Variants in MCRS1 observed in about 807,000 individuals in gnomAD.
The protein encoded by MCRS1 is microspherule protein 1, also known as 58 kDa microspherule protein.
MCRS1 carries 22 observed loss-of-function variants against 62.9 expected under a neutral mutation model. The observed-to-expected ratio is 0.35, with a 90% CI of 0.25 to 0.50. The LOEUF (loss-of-function observed/expected upper bound fraction) is 0.50, where lower values mean the gene tolerates loss of function less well. MCRS1 is among the 20% of genes least tolerant of loss of function. MCRS1 has a pLI of 0.98. For synonymous variants in MCRS1, 244 were observed against 233.5 expected (o/e 1.04, Z -0.41); for missense variants, 456 against 601.1 (o/e 0.76, Z 2.52).
At chr12:49,560,066 G>T in intron 9 of MCRS1, 99 bp from the exon 10 acceptor site, 1 of 1,508,488 alleles carries the variant, frequency 6.6e-7, no homozygotes, top group Non-Finnish European at 9.2e-7. Context: ...CAAGTGGCCT[G>T]GAAGGTGGTA....
chr12:49,558,436 G>A lies in MCRS1; in HGVS notation c.*207C>T, dbSNP rs182485162. 5.5e-4 allele frequency: 302 copies of A among 549,616 alleles called. 3 individuals are homozygous for A. The East Asian group carries it at 9.0e-3, about 16-fold the overall frequency. 34.0% of individuals were successfully genotyped at this position (549,616 alleles called of 1,614,324 possible). On this transcript the variant is annotated 3_prime_UTR_variant, in exon 15 of 15. Coordinates refer to ENST00000343810, the MANE Select transcript of MCRS1 (RefSeq NM_006337.5). The stretch of plus-strand genomic sequence containing the variant: ...TTTAGAGAGAGGAAGATGGGGAGGG[G>A]CTCTGGATCTAGGGAAGCCTGAGGT...
intron 4 of MCRS1, chr12:49,565,155 T>C (rs1398335638): frequency 2.0e-6 from 2 of 985,192 alleles, no homozygotes; most frequent in East Asian, 1.1e-4. Context: ...AGAGTGAAAG[T>C]TGGGTGGGGA....
intron 6 of MCRS1, 61 bp from the exon 7 acceptor site, chr12:49,563,607 C>T (rs1248309536): frequency 1.6e-6 from 2 of 1,273,184 alleles, no homozygotes; most frequent in African/African-American, 2.9e-5. Flanking sequence ...ATCTGGGGTT[C>T]CTACTATTTC....
intron 4 of MCRS1, 125 bp downstream of exon 4, chr12:49,565,404 G>A (rs1939004186): frequency 6.6e-7 from 1 of 1,504,068 alleles, no homozygotes; most frequent in South Asian, 1.4e-5. Context: ...CATCTGAGAT[G>A]AGGGCTGGGG....
chr12:49,567,360 T>C (rs574648407), intron 1 of MCRS1, among the ~76,000 whole-genome samples: 1 of 151,946 alleles, frequency 6.6e-6, no homozygotes, highest in East Asian at 1.9e-4. Context: ...TGAGATACCA[T>C]CTCGTGGAAA....
chr12:49,566,168 T>C lies in MCRS1; in HGVS notation c.58A>G (p.Ser20Gly). The C allele has an allele frequency of 1.9e-6, 3 of 1,614,178 alleles. No homozygotes were observed. The highest frequency in any genetic ancestry group is 2.5e-6 in the Non-Finnish European group (3 of 1,180,012). ...AGTGACTCCTCATCCTCTGAGCGGC[T>C]GGCAGTGCCTGATGCCATCAGGGAT... ...DSSLMASGTA[S>G]RSEDEESLAG... is the part of the protein sequence containing the mutation. Residue 20 changes from serine (S) to glycine (G), a missense_variant, in exon 3 of 15, where the codon AGC becomes GGC. By Grantham distance (56) the Ser-to-Gly change is moderately conservative (BLOSUM62 0). Coordinates refer to ENST00000343810, the MANE Select transcript of MCRS1 (RefSeq NM_006337.5).
At chr12:49,561,109 C>T (rs1369253951) in intron 8 of MCRS1, among the ~76,000 whole-genome samples, 1 of 152,140 alleles carries the variant, frequency 6.6e-6, no homozygotes, top group Non-Finnish European at 1.5e-5. Context: ...GCCCACAGAC[C>T]TAGCTACTCG....
chr12:49,564,484 G>C lies in MCRS1; in HGVS notation c.554C>G (p.Ser185Cys). 6 of 1,611,672 alleles carry C rather than the reference G, an allele frequency of 3.7e-6. No homozygotes were observed. Among genetic ancestry groups the C allele is most frequent in the Non-Finnish European group, 4.2e-6 (5 of 1,178,472 alleles). ...WYALLYDPVI[S>C]KLACQAMRQL... ...GCTGGAACCAGCTCCCACTCACTTGGAGATGACAGGATCGTAGAGCAGGGC... is the reference window on the plus strand; with the variant it reads ...GCTGGAACCAGCTCCCACTCACTTGCAGATGACAGGATCGTAGAGCAGGGC... The change falls in exon 6 of 15, where the codon TCC becomes TGC. Residue 185 changes from serine (S) to cysteine (C), a missense_variant. By Grantham distance (112) the Ser-to-Cys change is moderately radical. Coordinates refer to ENST00000343810, the MANE Select transcript of MCRS1 (RefSeq NM_006337.5).
chr12:49,566,271 A>G (rs938656107), intron 2 of MCRS1, 56 bp from the exon 3 acceptor site: 1 of 1,584,586 alleles, frequency 6.3e-7, no homozygotes, highest in Admixed American at 1.7e-5. Context: ...GCCTCTGCAA[A>G]TGGGACCCCT....
intron 1 of MCRS1, chr12:49,567,737 G>A (rs2138208798): frequency 6.6e-6 from 1 of 152,378 alleles, no homozygotes; most frequent in South Asian, 2.1e-4. Flanking sequence ...TAGGAGCATT[G>A]ATGAAGTCAC....
intron 8 of MCRS1, among the ~76,000 whole-genome samples, chr12:49,562,305 C>T (rs185117588): frequency 2.6e-5 from 4 of 152,310 alleles, no homozygotes; most frequent in East Asian, 1.9e-4. Flanking sequence ...AATCAGAACC[C>T]GAATTACAGA....
intron 8 of MCRS1, 59 bp from the exon 9 acceptor site, chr12:49,560,429 C>T (rs1050813473): frequency 5.5e-5 from 84 of 1,525,370 alleles, no homozygotes; most frequent in Non-Finnish European, 7.0e-5. Flanking sequence ...CGATGCTGAG[C>T]GGACCACTAA....
intron 8 of MCRS1, among the ~76,000 whole-genome samples, chr12:49,561,315 G>A (rs1938754173): frequency 6.6e-6 from 1 of 152,216 alleles, no homozygotes; most frequent in African/African-American, 2.4e-5. Flanking sequence ...GTCAACTGAG[G>A]AAGTGAGGGG....
In MCRS1 at chr12:49,563,474, G is replaced by C. The variant is rs1285333230; in HGVS notation, c.630C>G (p.Ser210Arg). 1.2e-6 allele frequency: 2 copies of C among 1,612,814 alleles called. No homozygotes were observed. Among genetic ancestry groups the C allele is most frequent in the Non-Finnish European group, 1.7e-6 (2 of 1,179,616 alleles). ...TGCTCAGCAGCTGCTCCTCAGCCTT[G>C]CTAAACAGGGCCTTGCTCTGGATGG... ...IAAIQSKALF[S>R]KAEEQLLSKV... Residue 210 changes from serine to arginine, a missense_variant, in exon 7 of 15, where the codon AGC becomes AGG. By Grantham distance (110) the Ser-to-Arg change is moderately radical. Transcript: ENST00000343810.
At position 49,566,389 on chromosome 12, in the gene MCRS1, A is replaced by C. The variant is rs1001439744; in HGVS notation, c.11-174T>G. 1.9e-6 allele frequency: 3 copies of C among 1,575,380 alleles called. No individual in the cohort carries two copies. The African/African-American group carries it at 4.0e-5, about 21-fold the overall frequency. Reference sequence around the variant, plus strand: ...CCATCCAGATCCCATCTGGGCTCAGACCTGGCCCAGACCTTCCACGCTGGG... The same window carrying C: ...CCATCCAGATCCCATCTGGGCTCAGCCCTGGCCCAGACCTTCCACGCTGGG... On this transcript the variant is annotated intron_variant, in intron 2 of 14. Transcript: ENST00000343810.
In MCRS1 at chr12:49,559,025, G is replaced by A; in HGVS notation, c.1175-55C>T. 1 of 1,604,978 alleles carries A rather than the reference G, an allele frequency of 6.2e-7. No individual in the cohort carries two copies. Among genetic ancestry groups the A allele is most frequent in the Non-Finnish European group, 8.5e-7 (1 of 1,176,744 alleles). On this transcript the variant is annotated intron_variant, in intron 13 of 14. Coordinates refer to ENST00000343810, the MANE Select transcript of MCRS1 (RefSeq NM_006337.5). The surrounding 1 kb of genome is among the most constrained non-coding windows in gnomAD (Gnocchi z 5.2). Reference sequence around the variant, plus strand: ...TGGGATGGGGAGGGATTGATGGGATGGGGAAAGGCCAGAGAGAGCCAGGAG... The same window carrying A: ...TGGGATGGGGAGGGATTGATGGGATAGGGAAAGGCCAGAGAGAGCCAGGAG...
intron 3 of MCRS1, 136 bp from the exon 4 acceptor site, chr12:49,565,803 T>A: frequency 7.8e-7 from 1 of 1,287,792 alleles, no homozygotes; most frequent in Non-Finnish European, 1.1e-6. Flanking sequence ...CGCCACAGCC[T>A]GGTTGTGGCC....
At position 49,564,574 on chromosome 12, in the gene MCRS1, G is replaced by T. The variant is rs1314821153; in HGVS notation, c.464C>A (p.Ser155Tyr). Residue 155 changes from serine to tyrosine, a missense_variant, in exon 6 of 15, where the codon TCC (serine) becomes TAC (tyrosine). This residue lies in a region of MCRS1 where 393 missense variants were observed against 523.5 expected (regional missense o/e 0.75). Transcript: ENST00000343810. Reference sequence around the variant, plus strand: ...GCTGAATTTCACGCCCAGGTGGACGGAGGTCAGGTCGTTGGTCTGCAAGGC... The same window carrying T: ...GCTGAATTTCACGCCCAGGTGGACGTAGGTCAGGTCGTTGGTCTGCAAGGC... Reference protein sequence around the residue: ...NAVLQTNDLTSVHLGVKFSCR... With the variant: ...NAVLQTNDLTYVHLGVKFSCR... 3 of 1,610,812 alleles carry T rather than the reference G, an allele frequency of 1.9e-6. No homozygotes were observed. The Admixed American group carries it at 5.0e-5, about 27-fold the overall frequency.
chr12:49,563,845 C>A (rs899702501), intron 6 of MCRS1, among the ~76,000 whole-genome samples: 23 of 152,232 alleles, frequency 1.5e-4, no homozygotes, highest in African/African-American at 5.1e-4. Flanking sequence ...TTGGCCAAAG[C>A]TGCCACCCCC....
Sources: gnomAD v4.1 joint callset for allele counts (sites outside exome capture counted in the v4.1 genomes callset) on GRCh38, gnomAD v4.1.1 for gene constraint, gnomAD v4.1.1 regional missense constraint, Gnocchi (gnomAD v3.1) non-coding constraint, MANE v1.5 for transcripts, NCBI Gene and HGNC (gene_info 2026-07-23, HGNC 2026-07-21) for gene names.